Variants in RAPGEF4 observed in about 807,000 individuals in gnomAD.
The protein encoded by RAPGEF4 is RAP guanine-nucleotide-exchange factor (GEF) 4.
Under a neutral mutation model 147.9 loss-of-function variants are expected in RAPGEF4, and 66 were observed. The observed-to-expected ratio is 0.45, with a 90% CI of 0.37 to 0.55. The LOEUF (loss-of-function observed/expected upper bound fraction) is 0.55. Ranked by LOEUF, RAPGEF4 falls within the 20% of genes least tolerant of loss-of-function variation. The pLI is 0.00. For synonymous variants in RAPGEF4, 419 were observed against 442.7 expected (o/e 0.95, Z 0.67); for missense variants, 1,071 against 1,257.3 (o/e 0.85, Z 2.24).
intron 3 of RAPGEF4, among the ~76,000 whole-genome samples, chr2:172,813,596 T>A (rs569345363): frequency 4.6e-4 from 70 of 151,784 alleles, no homozygotes; most frequent in Non-Finnish European, 8.5e-4. Context: ...GCTGTGTAGA[T>A]CCACCACTCT....
At chr2:173,018,982 CCT>C (rs1176420502) in intron 22 of RAPGEF4, among the ~76,000 whole-genome samples, 180 bp downstream of exon 22, 4 of 152,150 alleles carry the variant, frequency 2.6e-5, no homozygotes, top group African/African-American at 9.7e-5. Context: ...TCTAATGTCC[CCT>C]ATCTGGTAGG....
chr2:173,028,256 C>T (rs1198905829), intron 25 of RAPGEF4, among the ~76,000 whole-genome samples: 1 of 152,186 alleles, frequency 6.6e-6, no homozygotes, highest in Non-Finnish European at 1.5e-5. Flanking sequence ...TAAAATGGTG[C>T]CTGTGAATTT....
At chr2:172,828,548 T>C (rs1180292731) in intron 4 of RAPGEF4, among the ~76,000 whole-genome samples, 1 of 152,104 alleles carries the variant, frequency 6.6e-6, no homozygotes, top group Non-Finnish European at 1.5e-5. Flanking sequence ...GCTTGCTTGC[T>C]CTCTTGGTGC....
chr2:172,876,155 C>T (rs1358131176), intron 4 of RAPGEF4, among the ~76,000 whole-genome samples: 8 of 152,208 alleles, frequency 5.3e-5, no homozygotes, highest in Non-Finnish European at 1.0e-4. Flanking sequence ...TGGGCTGAGA[C>T]GATGGGGTTT....
intron 3 of RAPGEF4, among the ~76,000 whole-genome samples, chr2:172,798,310 A>G (rs936572532): frequency 6.6e-6 from 1 of 152,248 alleles, no homozygotes; most frequent in Admixed American, 6.5e-5. Context: ...GAAAAAATAT[A>G]TAAATATTTA....
At chr2:172,811,813 A>T (rs1688050988) in intron 3 of RAPGEF4, among the ~76,000 whole-genome samples, 1 of 152,216 alleles carries the variant, frequency 6.6e-6, no homozygotes, top group African/African-American at 2.4e-5. Context: ...AACATATATT[A>T]GTTCTGCTAA....
chr2:173,042,061 C>G lies in RAPGEF4; in HGVS notation c.2853+5369C>G, dbSNP rs1477871698. ...CAACCTTGCCTTGATAGGGGTTTCA[C>G]AGCCTGGGATTATCTTCCTGCCTCT... On this transcript the variant is annotated intron_variant, in intron 29 of 30. Transcript: ENST00000397081. The surrounding 1 kb of genome is among the most constrained non-coding windows in gnomAD (Gnocchi z 4.2). Among the ~76,000 whole-genome samples the G allele has an allele frequency of 6.6e-6, 1 of 152,230 alleles. No individual in the cohort carries two copies. Among genetic ancestry groups the G allele is most frequent in the Non-Finnish European group, 1.5e-5 (1 of 68,040 alleles).
chr2:173,020,810 A>C, intron 23 of RAPGEF4, 95 bp downstream of exon 23: 1 of 905,744 alleles, frequency 1.1e-6, no homozygotes, highest in Non-Finnish European at 1.7e-6. Flanking sequence ...TGGCTAAAAA[A>C]TCTTGAATGG....
chr2:173,014,411 A>G (rs1695312338), intron 17 of RAPGEF4, 53 bp from the exon 18 acceptor site: 1 of 1,606,842 alleles, frequency 6.2e-7, no homozygotes, highest in South Asian at 1.1e-5. Flanking sequence ...CTTTGAAAGT[A>G]GCATGTGAAA....
intron 12 of RAPGEF4, among the ~76,000 whole-genome samples, chr2:172,986,308 T>C (rs573155778): frequency 6.6e-6 from 1 of 152,362 alleles, no homozygotes; most frequent in African/African-American, 2.4e-5. Context: ...TAGAACACTT[T>C]TTGCATGGAC....
intron 6 of RAPGEF4, chr2:172,928,121 A>T: frequency 2.2e-6 from 1 of 444,854 alleles, no homozygotes; most frequent in Middle Eastern, 3.3e-4. Context: ...CCGAGCCAGG[A>T]CTTATTTTGC....
At chr2:172,798,452 G>T (rs959391343) in intron 3 of RAPGEF4, among the ~76,000 whole-genome samples, 1 of 151,900 alleles carries the variant, frequency 6.6e-6, no homozygotes. Flanking sequence ...CCCATAAAAG[G>T]CCACCATCAG....
intron 6 of RAPGEF4, among the ~76,000 whole-genome samples, chr2:172,934,377 C>T (rs1686320153): frequency 6.6e-6 from 1 of 152,084 alleles, no homozygotes; most frequent in East Asian, 1.9e-4. Flanking sequence ...TCTCGAACTC[C>T]TGACCTCAGG....
chr2:172,984,114 T>C (rs1398637147), intron 11 of RAPGEF4, among the ~76,000 whole-genome samples: 5 of 152,220 alleles, frequency 3.3e-5, no homozygotes. Flanking sequence ...TATCTGATTC[T>C]GAACTTTTAC....
At chr2:173,019,817 T>C (rs953805689) in intron 22 of RAPGEF4, among the ~76,000 whole-genome samples, 1 of 152,226 alleles carries the variant, frequency 6.6e-6, no homozygotes, top group Non-Finnish European at 1.5e-5. Flanking sequence ...TGAAGCTCCC[T>C]CCTTCATTTG....
At chr2:172,799,115 T>C (rs1686702467) in intron 3 of RAPGEF4, among the ~76,000 whole-genome samples, 1 of 152,206 alleles carries the variant, frequency 6.6e-6, no homozygotes, top group Non-Finnish European at 1.5e-5. Context: ...ATTTGCCATA[T>C]CCTATATAAT....
At chr2:173,016,315 C>A in intron 18 of RAPGEF4, 34 bp from the exon 19 acceptor site, 3 of 1,475,658 alleles carry the variant, frequency 2.0e-6, no homozygotes, top group South Asian at 1.1e-5. Context: ...TTTTGCAGTT[C>A]TTGTTAAAAG....
chr2:172,920,185 A>G (rs1684592291), intron 5 of RAPGEF4, among the ~76,000 whole-genome samples: 2 of 152,134 alleles, frequency 1.3e-5, no homozygotes, highest in Admixed American at 6.5e-5. Flanking sequence ...TAATACTTCA[A>G]TATATTTCTT....
chr2:172,996,537 C>T lies in RAPGEF4; in HGVS notation c.1562C>T (p.Thr521Ile). 1 of 1,579,898 alleles carries T rather than the reference C, an allele frequency of 6.3e-7. No homozygotes were observed. The highest frequency in any genetic ancestry group is 8.6e-7 in the Non-Finnish European group (1 of 1,168,126). The change falls in exon 16 of 31, where the codon ACT becomes ATT. Residue 521 changes from threonine (T) to isoleucine (I), a missense_variant. Thr to Ile is a moderately conservative substitution (Grantham distance 89). Coordinates refer to ENST00000397081, the MANE Select transcript of RAPGEF4 (RefSeq NM_007023.4). ...CTAGAAACAATACGCCTTGAGGCAA[C>T]TTTAAATGAAGCAACAGGTATACAC... ...HFLETIRLEATLNEATDSVLN... is the reference protein window; with the variant it reads ...HFLETIRLEAILNEATDSVLN...
Sources: allele counts gnomAD v4.1 joint callset (sites outside exome capture counted in the v4.1 genomes callset), GRCh38; gene constraint gnomAD v4.1.1; non-coding constraint Gnocchi (gnomAD v3.1); transcripts MANE v1.5; gene names NCBI Gene and HGNC (gene_info 2026-07-23, HGNC 2026-07-21).